The following GUCY2C variants were observed in gnomAD, a reference collection of about 807,000 sequenced individuals.
GUCY2C encodes guanylate cyclase 2C.
A neutral mutation model predicts 131.1 loss-of-function variants in GUCY2C; 118 were observed. The ratio of observed to expected loss-of-function variants is 0.90; its 90% confidence interval spans 0.78 to 1.05. The LOEUF is 1.05. GUCY2C is among the 50% of genes least tolerant of loss of function. GUCY2C has a pLI of 0.00. For missense variants in GUCY2C, 1,161 were observed against 1,304.4 expected, an observed-to-expected ratio of 0.89 and a Z score of 1.69; for synonymous variants, 452 against 457.8, an observed-to-expected ratio of 0.99 and a Z score of 0.16.
At chr12:14,671,493 G>A (rs1948109722) in intron 9 of GUCY2C, among the ~76,000 whole-genome samples, 1 of 152,082 alleles carries the variant, frequency 6.6e-6, no homozygotes, top group Non-Finnish European at 1.5e-5. Context: ...ATGTTAGGAT[G>A]TGGCATATTG....
At chr12:14,667,960 G>T in intron 10 of GUCY2C, among the ~76,000 whole-genome samples, 1 of 148,682 alleles carries the variant, frequency 6.7e-6, no homozygotes, top group East Asian at 2.0e-4. Flanking sequence ...ATTTTTAATT[G>T]GTTGCCTGAT....
At position 14,641,192 on chromosome 12, in the gene GUCY2C, C is replaced by G; in HGVS notation, c.1958G>C (p.Arg653Pro). The G allele has an allele frequency of 1.2e-5, 19 of 1,613,468 alleles. No individual in the cohort carries two copies. Among genetic ancestry groups the G allele is most frequent in the Non-Finnish European group, 1.6e-5 (19 of 1,179,890 alleles). The change falls in exon 18 of 27, where the codon CGC becomes CCC. Residue 653 changes from arginine to proline, a missense_variant. By Grantham distance (103) the Arg-to-Pro change is moderately radical (BLOSUM62 -2). Transcript: ENST00000261170. ...TCCTTTCTGAGAGATGTTGGCTTGGCGGAGGTGCTCTGGAGCTGTCCACAG... is the reference window on the plus strand; with the variant it reads ...TCCTTTCTGAGAGATGTTGGCTTGGGGGAGGTGCTCTGGAGCTGTCCACAG... ...KDLWTAPEHL[R>P]QANISQKGDV...
intron 8 of GUCY2C, chr12:14,674,418 A>G: frequency 3.3e-6 from 2 of 614,108 alleles, no homozygotes; most frequent in East Asian, 2.9e-5. Context: ...TGACATCCAA[A>G]GATTCTAAAA....
chr12:14,620,358 A>G (rs1345304663), intron 23 of GUCY2C, among the ~76,000 whole-genome samples: 1 of 152,162 alleles, frequency 6.6e-6, no homozygotes, highest in Non-Finnish European at 1.5e-5. Flanking sequence ...TGACCAATCA[A>G]GTTGTTTCTG....
rs1381791151 is a variant in GUCY2C, at chr12:14,616,680, T to C, written c.2923A>G (p.Thr975Ala). ...SGSTIAILKR[T>A]ECQFLYEVRG... ...ACTTCATAAAGGAACTGGCACTCAG[T>C]TCTCTTCAGGATGGCTATGGTGGAG... The change falls in exon 25 of 27, where the codon ACT (threonine) becomes GCT (alanine). Residue 975 changes from threonine (T) to alanine (A), a missense_variant. By Grantham distance (58) the Thr-to-Ala change is moderately conservative. Transcript: ENST00000261170. 1 of 1,609,558 alleles carries C rather than the reference T, an allele frequency of 6.2e-7. No homozygotes were observed. Among genetic ancestry groups the C allele is most frequent in the Admixed American group, 1.7e-5 (1 of 59,986 alleles).
chr12:14,683,248 T>G lies in GUCY2C; in HGVS notation c.405A>C (p.Thr135=). ...CTGAGATCATGGGGTAGCTCAATTC[T>G]GTGTCAAGGCTATGTCAAGAGGTTG... is the stretch of plus-strand genomic sequence containing the variant. ...TYSTFQMYLD[T]ELSYPMISAG... is the part of the protein sequence containing the mutation. The change falls in exon 4 of 27, where the codon ACA becomes ACC. Residue 135 remains threonine, a synonymous_variant. Coordinates refer to ENST00000261170, the MANE Select transcript of GUCY2C (RefSeq NM_004963.4). 1.9e-6 allele frequency: 3 copies of G among 1,611,058 alleles called. No homozygotes were observed. The highest frequency in any genetic ancestry group is 2.5e-6 in the Non-Finnish European group (3 of 1,177,334).
intron 26 of GUCY2C, among the ~76,000 whole-genome samples, chr12:14,614,164 T>A (rs1315537546): frequency 1.3e-5 from 2 of 152,144 alleles, no homozygotes; most frequent in African/African-American, 4.8e-5. Flanking sequence ...AAGTGTCTTC[T>A]GTTCTCCCGA....
intron 10 of GUCY2C, among the ~76,000 whole-genome samples, chr12:14,662,067 A>G (rs944152653): frequency 2.6e-5 from 4 of 152,160 alleles, no homozygotes; most frequent in African/African-American, 7.2e-5. Flanking sequence ...GTCGTGGTTC[A>G]TATATGCCGC....
intron 10 of GUCY2C, among the ~76,000 whole-genome samples, chr12:14,661,881 A>AAC (rs1403008412): frequency 3.3e-5 from 5 of 152,146 alleles, no homozygotes; most frequent in Admixed American, 1.3e-4. Context: ...TATTTACTAG[A>AAC]ACACTAGTGG....
At chr12:14,650,005 C>A (rs1947609657) in intron 15 of GUCY2C, among the ~76,000 whole-genome samples, 1 of 152,124 alleles carries the variant, frequency 6.6e-6, no homozygotes, top group African/African-American at 2.4e-5. Context: ...ACAATTAAAA[C>A]ATCTTTTCAC....
intron 15 of GUCY2C, among the ~76,000 whole-genome samples, chr12:14,649,337 A>G (rs750322493): frequency 6.6e-6 from 1 of 152,246 alleles, no homozygotes; most frequent in South Asian, 2.1e-4. Flanking sequence ...CATAGAAAGA[A>G]TACCAGATTC....
At chr12:14,677,529 C>A (rs1388373053) in intron 6 of GUCY2C, among the ~76,000 whole-genome samples, 2 of 151,968 alleles carry the variant, frequency 1.3e-5, no homozygotes, top group African/African-American at 4.8e-5. Flanking sequence ...GATTGCTCTG[C>A]AAATGCTATG....
At position 14,622,211 on chromosome 12, in the gene GUCY2C, G is replaced by A. The variant is rs1283452060; in HGVS notation, c.2409-14C>T. 14 of 1,465,824 alleles carry A rather than the reference G, an allele frequency of 9.6e-6. No individual in the cohort carries two copies. Among genetic ancestry groups the A allele is most frequent in the Admixed American group, 5.6e-5 (2 of 35,868 alleles). The allele number at this position is 1,465,824 out of a possible 1,614,324, so 90.8% of individuals were successfully genotyped here. A position where few individuals can be genotyped will look rare whatever the true frequency, so the allele number is the denominator to read the frequency against. ...TTTACCACTAGCCTAGATGAACGAAGGGAAAAAAAATGCCTTCAACTTCAG... is the reference window on the plus strand; with the variant it reads ...TTTACCACTAGCCTAGATGAACGAAAGGAAAAAAAATGCCTTCAACTTCAG... On this transcript the variant is annotated splice_polypyrimidine_tract_variant and intron_variant, in intron 21 of 26. Coordinates refer to ENST00000261170, the MANE Select transcript of GUCY2C (RefSeq NM_004963.4).
intron 23 of GUCY2C, among the ~76,000 whole-genome samples, chr12:14,620,495 T>A (rs1442536899): frequency 6.6e-6 from 1 of 152,238 alleles, no homozygotes; most frequent in Non-Finnish European, 1.5e-5. Context: ...CAAACTGTGT[T>A]AAATTTAATA....
At chr12:14,690,207 C>T (rs7307515) in intron 1 of GUCY2C, among the ~76,000 whole-genome samples, 20,882 of 152,188 alleles carry the variant, frequency 0.14, 1,702 homozygotes, top group Admixed American at 0.25. Context: ...GAATTGAAAA[C>T]AAGTTTCTCT....
In GUCY2C at chr12:14,613,631, T is replaced by A. The variant is rs539617911; in HGVS notation, c.3048-340A>T. On this transcript the variant is annotated intron_variant, in intron 26 of 26. Coordinates refer to ENST00000261170, the MANE Select transcript of GUCY2C (RefSeq NM_004963.4). The surrounding 1 kb of genome is among the most constrained non-coding windows in gnomAD (Gnocchi z 4.9). ...CCTGCCACACAACCCTGAAAACTCA[T>A]TGGTCCCACACATACTTAACAGTGT... is the stretch of plus-strand genomic sequence containing the variant. Among the ~76,000 whole-genome samples, 1 of 152,070 alleles carries A rather than the reference T, an allele frequency of 6.6e-6. No individual in the cohort carries two copies. The highest frequency in any genetic ancestry group is 1.5e-5 in the Non-Finnish European group (1 of 67,982).
chr12:14,654,381 C>A (rs117352191), intron 12 of GUCY2C, among the ~76,000 whole-genome samples: 1 of 152,122 alleles, frequency 6.6e-6, no homozygotes, highest in Non-Finnish European at 1.5e-5. Context: ...CCATGTCTAC[C>A]TGACTCTTAG....
intron 1 of GUCY2C, among the ~76,000 whole-genome samples, chr12:14,693,756 C>A (rs1948613738): frequency 6.6e-6 from 1 of 152,214 alleles, no homozygotes. Context: ...CATTTAACAA[C>A]CTGCCCACTA....
chr12:14,666,665 G>A (rs1357446531), intron 10 of GUCY2C, among the ~76,000 whole-genome samples: 1 of 151,480 alleles, frequency 6.6e-6, no homozygotes, highest in East Asian at 1.9e-4. Flanking sequence ...AATCCGGGAG[G>A]CAGAGGTTGC....
Sources: gnomAD v4.1 joint callset for allele counts (sites outside exome capture counted in the v4.1 genomes callset) on GRCh38, gnomAD v4.1.1 for gene constraint, Gnocchi (gnomAD v3.1) non-coding constraint, MANE v1.5 for transcripts, NCBI Gene and HGNC (gene_info 2026-07-23, HGNC 2026-07-21) for gene names.